The following LRRIQ1 variants were observed in gnomAD, a reference collection of about 807,000 sequenced individuals.
LRRIQ1 encodes the protein leucine-rich repeat- and IQ domain-containing protein 1.
In LRRIQ1, 210 loss-of-function variants were observed where a neutral mutation model predicts 211.9. The observed-to-expected ratio is 0.99, with a 90% CI of 0.89 to 1.11. The LOEUF is 1.11. Ranked by LOEUF, LRRIQ1 falls within the 50% of genes most tolerant of loss-of-function variation. LRRIQ1 has a pLI of 0.00. For missense variants in LRRIQ1, 2,136 were observed against 1,939.5 expected (o/e 1.10, Z -1.90); for synonymous variants, 699 against 650.1 (o/e 1.08, Z -1.14).
intron 24 of LRRIQ1, 48 bp from the exon 25 acceptor site, chr12:85,229,469 G>C (rs773848016): frequency 2.0e-6 from 3 of 1,517,712 alleles, no homozygotes; most frequent in Non-Finnish European, 2.6e-6. Context: ...GTTGGCCAAA[G>C]TTTGGTCTCT....
chr12:85,127,829 T>C lies in LRRIQ1; in HGVS notation c.4008-3T>C, dbSNP rs372007419. 16 of 1,612,408 alleles carry C rather than the reference T, an allele frequency of 9.9e-6. No homozygotes were observed. The highest frequency in any genetic ancestry group is 1.4e-5 in the Non-Finnish European group (16 of 1,179,048). On this transcript the variant is annotated splice_region_variant and splice_polypyrimidine_tract_variant and intron_variant, in intron 17 of 26. Transcript: ENST00000393217. ...TGTGTGTTTTTTTTTCTCCTCTTAA[T>C]AGTATGGCAGCTGTGGTAATCCAGT...
chr12:85,136,697 G>GTATA (rs1437472966), intron 18 of LRRIQ1, among the ~76,000 whole-genome samples: 5 of 150,050 alleles, frequency 3.3e-5, no homozygotes, highest in Non-Finnish European at 5.9e-5. Context: ...CTCTCTTTCT[G>GTATA]TATATATATA....
Position 85,065,323 on chromosome 12 carries a change from C to A in LRRIQ1, c.2453C>A (p.Thr818Lys). ...GCVLSTLAEC[T>K]NLQFLSLRRC... ...GTTCTCTCCACACTGGCAGAGTGTA[C>A]AAATCTTCAGTTTCTATCCCTTCGA... The change falls in exon 9 of 27, where the codon ACA (threonine) becomes AAA (lysine). Residue 818 changes from threonine to lysine, a missense_variant. Coordinates refer to ENST00000393217, the MANE Select transcript of LRRIQ1 (RefSeq NM_001079910.2). The A allele has an allele frequency of 6.2e-7, 1 of 1,611,018 alleles. No individual in the cohort carries two copies. The highest frequency in any genetic ancestry group is 8.5e-7 in the Non-Finnish European group (1 of 1,177,978).
intron 19 of LRRIQ1, among the ~76,000 whole-genome samples, chr12:85,144,139 C>A (rs1194130007): frequency 6.6e-6 from 1 of 151,462 alleles, no homozygotes; most frequent in Non-Finnish European, 1.5e-5. Context: ...TTGTTTAGCT[C>A]CAACTTATAA....
chr12:85,131,061 A>G (rs1467579677), intron 18 of LRRIQ1, among the ~76,000 whole-genome samples: 1 of 151,714 alleles, frequency 6.6e-6, no homozygotes, highest in Non-Finnish European at 1.5e-5. Context: ...AAAAAAAAAA[A>G]AAAAATTAGC....
In LRRIQ1 at chr12:85,193,048, A is replaced by C. The variant is rs11513794; in HGVS notation, c.4822+32334A>C. Among the ~76,000 whole-genome samples the C allele has an allele frequency of 2.5e-3, 256 of 102,242 alleles. 1 individual carries two copies. Among genetic ancestry groups the C allele is most frequent in the Admixed American group, 4.6e-3 (33 of 7,102 alleles). 67.1% of individuals were successfully genotyped at this position (102,242 alleles called of 152,430 possible). ...TATTTATTATATTATATTTATAATA[A>C]ATATAATATAAATATTATATTATAT... is the stretch of plus-strand genomic sequence containing the variant. On this transcript the variant is annotated intron_variant, in intron 24 of 26. Transcript: ENST00000393217.
intron 6 of LRRIQ1, among the ~76,000 whole-genome samples, chr12:85,051,944 C>T (rs1481961822): frequency 6.6e-6 from 1 of 152,102 alleles, no homozygotes; most frequent in African/African-American, 2.4e-5. Flanking sequence ...CAAATAAATA[C>T]AACTTTCCTA....
chr12:85,166,106 T>C (rs999035474), intron 24 of LRRIQ1, among the ~76,000 whole-genome samples: 1 of 152,210 alleles, frequency 6.6e-6, no homozygotes, highest in African/African-American at 2.4e-5. Flanking sequence ...TTTTTATTTA[T>C]ACATAAATTA....
chr12:85,257,446 C>T (rs1331044178), intron 1 of LRRIQ1, among the ~76,000 whole-genome samples: 1 of 150,628 alleles, frequency 6.6e-6, no homozygotes, highest in Non-Finnish European at 1.5e-5. Context: ...CTTATATGAC[C>T]TGATTTTCAG....
Position 85,055,692 on chromosome 12 carries a change from AT to A in LRRIQ1, c.900del (p.Gln301LysfsTer39), listed in dbSNP as rs1880934074. On this transcript the variant is annotated frameshift_variant, in exon 8 of 27. Coordinates refer to ENST00000393217, the MANE Select transcript of LRRIQ1 (RefSeq NM_001079910.2). LOFTEE classifies it high-confidence loss of function. ...GCTAAATATAAAGCATTTGTTGCCT[AT>A]CAAAAATATGGCCCAATTATTAAAG... ...IQAKYKAFVAYQKYGPIIKEQ... is the reference protein window; with the variant it reads ...IQAKYKAFVAXQKYGPIIKEQ... 6.2e-7 allele frequency: 1 copy of A among 1,608,972 alleles called. No homozygotes were observed. The highest frequency in any genetic ancestry group is 8.5e-7 in the Non-Finnish European group (1 of 1,178,434).
intron 1 of LRRIQ1, among the ~76,000 whole-genome samples, chr12:85,250,851 T>A (rs1472280705): frequency 2.7e-5 from 3 of 111,828 alleles, no homozygotes; most frequent in African/African-American, 1.0e-4. Context: ...ATATTATATA[T>A]AATATATATT....
In LRRIQ1 at chr12:85,056,444, C is replaced by CA. The variant is rs1221489561; in HGVS notation, c.1657dup (p.Thr553AsnfsTer8). On this transcript the variant is annotated frameshift_variant, in exon 8 of 27. Coordinates refer to ENST00000393217, the MANE Select transcript of LRRIQ1 (RefSeq NM_001079910.2). LOFTEE classifies it high-confidence loss of function. ...ACATGTCATAAATGAGAATACAGGA[C>CA]AAAAAACCCAGATAATATTAGGACA... is the stretch of plus-strand genomic sequence containing the variant. 5.6e-6 allele frequency: 9 copies of CA among 1,598,130 alleles called. No homozygotes were observed. The highest frequency in any genetic ancestry group is 2.3e-5 in the South Asian group (2 of 86,616).
intron 24 of LRRIQ1, among the ~76,000 whole-genome samples, chr12:85,206,570 A>G (rs1893557632): frequency 6.6e-6 from 1 of 152,070 alleles, no homozygotes; most frequent in Non-Finnish European, 1.5e-5. Context: ...TTAACCAGCA[A>G]AGCAATGGGG....
At chr12:85,245,887 A>G (rs909670897), downstream of LRRIQ1, among the ~76,000 whole-genome samples, 4 of 151,054 alleles carry the variant, frequency 2.6e-5, no homozygotes, top group African/African-American at 7.3e-5. Flanking sequence ...ACATATATAT[A>G]TAGAGAGAGA....
chr12:85,109,447 C>G (rs1282212330), intron 15 of LRRIQ1, among the ~76,000 whole-genome samples: 1 of 152,060 alleles, frequency 6.6e-6, no homozygotes, highest in Admixed American at 6.6e-5. Context: ...AAAAAAGTTT[C>G]TAATAGTACA....
intron 3 of LRRIQ1, among the ~76,000 whole-genome samples, chr12:85,042,068 A>G (rs1187364958): frequency 6.6e-6 from 1 of 151,954 alleles, no homozygotes; most frequent in African/African-American, 2.4e-5. Flanking sequence ...ATTTTTACTC[A>G]GGTTTAAACA....
intron 13 of LRRIQ1, among the ~76,000 whole-genome samples, chr12:85,102,019 T>C (rs1241640974): frequency 2.0e-5 from 3 of 151,762 alleles, no homozygotes; most frequent in African/African-American, 4.8e-5. Context: ...TTCAAAATCC[T>C]TTCACTGGAA....
the LRRIQ1 span, among the ~76,000 whole-genome samples, chr12:85,271,313 T>A: frequency 6.6e-6 from 1 of 152,080 alleles, no homozygotes; most frequent in Non-Finnish European, 1.5e-5. Context: ...TTATAGGGAA[T>A]TTTCAATGTT....
rs544935621 is a variant in LRRIQ1, at chr12:85,057,125, A to T, written c.2332A>T (p.Thr778Ser). 3.7e-5 allele frequency: 59 copies of T among 1,593,190 alleles called. No homozygotes were observed. In the South Asian group the frequency reaches 6.3e-4, roughly 17 times the overall value. Reference sequence around the variant, plus strand: ...ACCTGTGAAATGCCCAGCCAACATGACACCCGCTTTGGATAAACTGGAAAT... The same window carrying T: ...ACCTGTGAAATGCCCAGCCAACATGTCACCCGCTTTGGATAAACTGGAAAT... Reference protein sequence around the residue: ...KRPVKCPANMTPALDKLEILR... With the variant: ...KRPVKCPANMSPALDKLEILR... Residue 778 changes from threonine (T) to serine (S), a missense_variant, in exon 8 of 27, where the codon ACA becomes TCA. Physicochemically the swap from Thr to Ser is moderately conservative, Grantham distance 58. Coordinates refer to ENST00000393217, the MANE Select transcript of LRRIQ1 (RefSeq NM_001079910.2).
Sources: allele counts gnomAD v4.1 joint callset (sites outside exome capture counted in the v4.1 genomes callset), GRCh38; gene constraint gnomAD v4.1.1; transcripts MANE v1.5; gene names NCBI Gene and HGNC (gene_info 2026-07-23, HGNC 2026-07-21).